The following NRXN1 variants were observed in gnomAD, a reference collection of about 807,000 sequenced individuals.
NRXN1 encodes neurexin 1.
In NRXN1, 39 loss-of-function variants were observed where a neutral mutation model predicts 150.9. The observed-to-expected ratio is 0.26, with a 90% CI of 0.20 to 0.34. NRXN1 has a LOEUF of 0.34. Ranked by LOEUF, NRXN1 falls within the 10% of genes least tolerant of loss-of-function variation. NRXN1 has a pLI of 1.00. For synonymous variants in NRXN1, 924 were observed against 757.0 expected, an observed-to-expected ratio of 1.22 and a Z score of -3.62; for missense variants, 1,815 against 1,949.9, an observed-to-expected ratio of 0.93 and a Z score of 1.30.
chr2:50,424,054 G>A (rs1449915225), intron 17 of NRXN1, among the ~76,000 whole-genome samples: 1 of 151,204 alleles, frequency 6.6e-6, no homozygotes, highest in Non-Finnish European at 1.5e-5. Context: ...CATTGAAATG[G>A]GCCACAGTGG....
At chr2:50,371,777 T>C (rs2080048258) in intron 17 of NRXN1, among the ~76,000 whole-genome samples, 1 of 141,118 alleles carries the variant, frequency 7.1e-6, no homozygotes, top group Admixed American at 7.2e-5. Context: ...ATTTATAAGA[T>C]ATTTTTATAT....
chr2:50,933,021 T>G (rs1441752832), intron 2 of NRXN1, among the ~76,000 whole-genome samples: 1 of 151,994 alleles, frequency 6.6e-6, no homozygotes, highest in Non-Finnish European at 1.5e-5. Flanking sequence ...TTACAATAAA[T>G]TGCTTCCTCA....
intron 5 of NRXN1, among the ~76,000 whole-genome samples, chr2:50,664,633 C>T (rs188375680): frequency 1.3e-5 from 2 of 151,996 alleles, no homozygotes; most frequent in Admixed American, 6.6e-5. Flanking sequence ...ATGTCCTTCA[C>T]TGTCTGGGCA....
At chr2:50,786,085 T>C (rs1705074923) in intron 5 of NRXN1, among the ~76,000 whole-genome samples, 1 of 152,082 alleles carries the variant, frequency 6.6e-6, no homozygotes. Context: ...ATGCAAATAA[T>C]GACTGCAGAC....
chr2:50,915,725 T>G (rs1465525607), intron 5 of NRXN1, among the ~76,000 whole-genome samples: 1 of 151,322 alleles, frequency 6.6e-6, no homozygotes, highest in Non-Finnish European at 1.5e-5. Context: ...CTTTGGCAGA[T>G]TACAGATCAA....
intron 17 of NRXN1, among the ~76,000 whole-genome samples, chr2:50,253,884 T>C (rs2067419475): frequency 6.6e-6 from 1 of 150,952 alleles, no homozygotes; most frequent in South Asian, 2.1e-4. Context: ...TTTTTTTTTG[T>C]TGTATCTCTG....
chr2:50,719,327 TA>T (rs908714623), intron 5 of NRXN1, among the ~76,000 whole-genome samples: 126 of 145,100 alleles, frequency 8.7e-4, no homozygotes, highest in East Asian at 9.9e-4. Flanking sequence ...AGCAAAAAAT[TA>T]AAAAAAAAAA....
chr2:50,194,601 T>C (rs569604819), intron 18 of NRXN1, among the ~76,000 whole-genome samples: 6 of 152,278 alleles, frequency 3.9e-5, no homozygotes, highest in African/African-American at 1.4e-4. Flanking sequence ...AAAGATAATG[T>C]TTGGAAGTCT....
At chr2:50,893,536 A>G (rs950224798) in intron 5 of NRXN1, among the ~76,000 whole-genome samples, 3 of 152,124 alleles carry the variant, frequency 2.0e-5, no homozygotes, top group African/African-American at 7.2e-5. Flanking sequence ...TCTTCTTAGA[A>G]GCTATTCTGA....
chr2:50,197,523 A>G (rs1424091731), intron 18 of NRXN1, among the ~76,000 whole-genome samples: 4 of 152,154 alleles, frequency 2.6e-5, no homozygotes. Context: ...GAAGTAACGC[A>G]TCTTTCCCCT....
chr2:50,446,042 G>A (rs557047286), intron 17 of NRXN1, among the ~76,000 whole-genome samples: 3 of 151,656 alleles, frequency 2.0e-5, no homozygotes, highest in Non-Finnish European at 1.5e-5. Context: ...TATTTATACT[G>A]TATTGTATCA....
At chr2:50,958,126 T>C (rs1692560889) in intron 2 of NRXN1, among the ~76,000 whole-genome samples, 2 of 152,162 alleles carry the variant, frequency 1.3e-5, no homozygotes, top group Non-Finnish European at 2.9e-5. Context: ...TCTGAAAGCA[T>C]CAGTCCTGGA....
At chr2:50,305,680 T>A (rs922729013) in intron 17 of NRXN1, among the ~76,000 whole-genome samples, 12 of 152,198 alleles carry the variant, frequency 7.9e-5, no homozygotes, top group African/African-American at 2.4e-4. Context: ...ATCACAATTT[T>A]ATGAGAAAGT....
intron 21 of NRXN1, among the ~76,000 whole-genome samples, chr2:49,946,962 T>C (rs1294166202): frequency 6.6e-6 from 1 of 152,116 alleles, no homozygotes; most frequent in African/African-American, 2.4e-5. Flanking sequence ...GGTATCTTTT[T>C]AAAAAGAAAG....
At chr2:50,557,625 T>C (rs1356210014) in intron 8 of NRXN1, among the ~76,000 whole-genome samples, 1 of 152,180 alleles carries the variant, frequency 6.6e-6, no homozygotes, top group African/African-American at 2.4e-5. Flanking sequence ...CACATTAAGG[T>C]TACTGTAAAT....
At chr2:50,831,111 T>A (rs1671349641) in intron 5 of NRXN1, among the ~76,000 whole-genome samples, 1 of 152,168 alleles carries the variant, frequency 6.6e-6, no homozygotes, top group Non-Finnish European at 1.5e-5. Context: ...TTATACTCCT[T>A]AAGTTATTTA....
intron 17 of NRXN1, among the ~76,000 whole-genome samples, chr2:50,377,722 A>T (rs187221964): frequency 6.6e-6 from 1 of 152,268 alleles, no homozygotes; most frequent in East Asian, 1.9e-4. Flanking sequence ...TTTCACTGTC[A>T]CTACGTACTT....
chr2:51,005,350 G>A (rs1049057619), intron 2 of NRXN1, among the ~76,000 whole-genome samples: 2 of 151,884 alleles, frequency 1.3e-5, no homozygotes, highest in African/African-American at 2.4e-5. Context: ...ATTTCTATAT[G>A]TTTTATGTAC....
intron 18 of NRXN1, among the ~76,000 whole-genome samples, chr2:50,195,885 A>C (rs2152827943): frequency 6.6e-6 from 1 of 152,226 alleles, no homozygotes; most frequent in African/African-American, 2.4e-5. Flanking sequence ...AAGAAATGTA[A>C]AGGTAGAATA....
Sources: allele counts gnomAD v4.1 joint callset (sites outside exome capture counted in the v4.1 genomes callset), GRCh38; gene constraint gnomAD v4.1.1; transcripts MANE v1.5; gene names NCBI Gene and HGNC (gene_info 2026-07-23, HGNC 2026-07-21).